TRPM3: variants seen among roughly 807,000 people sequenced by gnomAD.
TRPM3 encodes long transient receptor potential channel 3.
TRPM3 carries 77 observed loss-of-function variants against 181.2 expected under a neutral mutation model. The observed-to-expected ratio is 0.42, with a 90% confidence interval of 0.35 to 0.51. The LOEUF (loss-of-function observed/expected upper bound fraction) is 0.51. Among genes scored for constraint, TRPM3 ranks in the 20% least tolerant of loss-of-function variants. The probability of loss-of-function intolerance (pLI) is 0.01; values close to 1 mark genes in which losing one functional copy is unlikely to be tolerated. For synonymous variants in TRPM3, 745 were observed against 796.4 expected (o/e 0.94, Z 1.09); for missense variants, 1,759 against 2,196.7 (o/e 0.80, Z 3.98).
chr9:70,910,898 T>A (rs568665757), intron 1 of TRPM3, among the ~76,000 whole-genome samples: 4 of 152,246 alleles, frequency 2.6e-5, no homozygotes, highest in Non-Finnish European at 5.9e-5. Flanking sequence ...TCTTTGACTT[T>A]GCTGCAGCAA....
chr9:70,983,535 CACT>C, intron 1 of TRPM3, among the ~76,000 whole-genome samples: 1 of 152,144 alleles, frequency 6.6e-6, no homozygotes, highest in East Asian at 1.9e-4. Context: ...AGGAAAAGGC[CACT>C]GATTCAGAGC....
At chr9:71,435,321 T>A (rs528947385) in intron 1 of TRPM3, among the ~76,000 whole-genome samples, 1 of 152,372 alleles carries the variant, frequency 6.6e-6, no homozygotes, top group African/African-American at 2.4e-5. Context: ...TTCTCCCCTC[T>A]GTAGCAAGAA....
rs565732961 is a variant in TRPM3, at chr9:70,895,134, C to T, written c.178-30623G>A. ...TACATAAATGTTAGTGCTATTATGA[C>T]GATTCTGTATGCCAGTCCAGATAGA... On this transcript the variant is annotated intron_variant, in intron 1 of 25. Transcript: ENST00000677713. Among the ~76,000 whole-genome samples the T allele has an allele frequency of 2.6e-4, 39 of 152,278 alleles. No individual in the cohort carries two copies. The South Asian group carries it at 4.1e-3, about 16-fold the overall frequency.
intron 18 of TRPM3, among the ~76,000 whole-genome samples, chr9:70,611,839 T>C (rs2062040750): frequency 6.6e-6 from 1 of 152,182 alleles, no homozygotes; most frequent in Admixed American, 6.5e-5. Context: ...GAAATTTCCT[T>C]GAGAACAGAA....
At chr9:70,998,413 T>C (rs184263872) in intron 1 of TRPM3, among the ~76,000 whole-genome samples, 1 of 152,110 alleles carries the variant, frequency 6.6e-6, no homozygotes, top group African/African-American at 2.4e-5. Context: ...AGATTTCCCA[T>C]GTATGTCCTG....
intron 1 of TRPM3, among the ~76,000 whole-genome samples, chr9:71,059,472 C>T (rs974899373): frequency 5.3e-5 from 8 of 152,058 alleles, no homozygotes; most frequent in Non-Finnish European, 1.0e-4. Flanking sequence ...GAGTACCATA[C>T]TTTAAGGATA....
intron 1 of TRPM3, among the ~76,000 whole-genome samples, chr9:71,238,207 C>A (rs1162426902): frequency 6.6e-6 from 1 of 152,102 alleles, no homozygotes; most frequent in South Asian, 2.1e-4. Context: ...AGTAAATCTA[C>A]TTTTATTCCA....
intron 1 of TRPM3, among the ~76,000 whole-genome samples, chr9:71,189,764 GT>G (rs2077897792): frequency 6.6e-6 from 1 of 151,598 alleles, no homozygotes; most frequent in Non-Finnish European, 1.5e-5. Flanking sequence ...ACAACACTCT[GT>G]ATATGTCTCA....
chr9:71,375,870 GT>G (rs1237084942), intron 1 of TRPM3, among the ~76,000 whole-genome samples: 1 of 151,966 alleles, frequency 6.6e-6, no homozygotes, highest in East Asian at 1.9e-4. Flanking sequence ...TATGTACATT[GT>G]TTTTTAGACA....
intron 8 of TRPM3, among the ~76,000 whole-genome samples, chr9:70,738,914 C>T (rs1286501401): frequency 6.6e-6 from 1 of 151,898 alleles, no homozygotes; most frequent in Admixed American, 6.6e-5. Flanking sequence ...ACAGCACTCC[C>T]TAGATTAAAC....
intron 1 of TRPM3, among the ~76,000 whole-genome samples, chr9:71,186,509 T>A (rs2134960251): frequency 6.6e-6 from 1 of 152,142 alleles, no homozygotes; most frequent in Admixed American, 6.6e-5. Context: ...TAGCTTCCTG[T>A]CTCCAAGGGC....
At chr9:71,248,222 T>C (rs1296378847) in intron 1 of TRPM3, among the ~76,000 whole-genome samples, 2 of 152,196 alleles carry the variant, frequency 1.3e-5, no homozygotes, top group Non-Finnish European at 2.9e-5. Context: ...CTTAGTAAAC[T>C]GAATAGTCTA....
chr9:71,323,115 T>C (rs531131264), intron 1 of TRPM3, among the ~76,000 whole-genome samples: 1 of 152,240 alleles, frequency 6.6e-6, no homozygotes, highest in Admixed American at 6.5e-5. Context: ...CCCCTTACAG[T>C]TCACACTAAT....
At chr9:71,087,320 C>T (rs1382681009) in intron 1 of TRPM3, among the ~76,000 whole-genome samples, 1 of 152,034 alleles carries the variant, frequency 6.6e-6, no homozygotes, top group African/African-American at 2.4e-5. Context: ...TGTGCTTATA[C>T]AGGAAAGTTC....
intron 1 of TRPM3, among the ~76,000 whole-genome samples, chr9:70,866,097 A>AC (rs1477951474): frequency 3.3e-5 from 5 of 152,110 alleles, no homozygotes; most frequent in Non-Finnish European, 7.4e-5. Flanking sequence ...TTTCTTTGTA[A>AC]AAAGCCTGTT....
intron 1 of TRPM3, among the ~76,000 whole-genome samples, chr9:71,152,607 C>T (rs562056606): frequency 1.3e-5 from 2 of 152,188 alleles, no homozygotes; most frequent in South Asian, 2.1e-4. Context: ...AGTCTGTCCT[C>T]GTACGGAGAT....
At chr9:71,017,490 T>A (rs1301553467) in intron 1 of TRPM3, among the ~76,000 whole-genome samples, 2 of 151,690 alleles carry the variant, frequency 1.3e-5, no homozygotes, top group Non-Finnish European at 3.0e-5. Context: ...ACAGTAAATA[T>A]AAGGATGTAA....
chr9:71,284,788 T>C (rs982717909), intron 1 of TRPM3, among the ~76,000 whole-genome samples: 4 of 152,208 alleles, frequency 2.6e-5, no homozygotes, highest in Non-Finnish European at 5.9e-5. Flanking sequence ...CATTACTTAG[T>C]CTATACAGTT....
At chr9:71,297,969 G>A (rs1228999861) in intron 1 of TRPM3, among the ~76,000 whole-genome samples, 1 of 151,928 alleles carries the variant, frequency 6.6e-6, no homozygotes, top group African/African-American at 2.4e-5. Context: ...AACTCATACT[G>A]GTCTCTTAAA....
Sources: gnomAD v4.1 joint callset for allele counts (sites outside exome capture counted in the v4.1 genomes callset) on GRCh38, gnomAD v4.1.1 for gene constraint, MANE v1.5 for transcripts, NCBI Gene and HGNC (gene_info 2026-07-23, HGNC 2026-07-21) for gene names.